The following TMTC2 variants were observed in gnomAD, a reference collection of about 807,000 sequenced individuals.
The protein encoded by TMTC2 is transmembrane O-mannosyltransferase targeting cadherins 2.
Under a neutral mutation model 82.4 loss-of-function variants are expected in TMTC2, and 43 were observed. That is an observed-to-expected ratio of 0.52 (90% CI 0.41 to 0.67). The LOEUF (loss-of-function observed/expected upper bound fraction) is 0.67. Among genes scored for constraint, TMTC2 ranks in the 30% least tolerant of loss-of-function variants. The pLI is 0.00. For missense variants in TMTC2, 919 were observed against 1,012.4 expected (o/e 0.91, Z 1.25); for synonymous variants, 408 against 381.9 (o/e 1.07, Z -0.80).
chr12:82,836,726 C>T (rs1228813181), intron 1 of TMTC2, among the ~76,000 whole-genome samples: 1 of 152,070 alleles, frequency 6.6e-6, no homozygotes, highest in Admixed American at 6.6e-5. Context: ...GAAACTAACA[C>T]AGATCAATAT....
At chr12:82,858,408 A>G (rs1255331495) in intron 2 of TMTC2, among the ~76,000 whole-genome samples, 1 of 152,202 alleles carries the variant, frequency 6.6e-6, no homozygotes, top group Non-Finnish European at 1.5e-5. Context: ...CTTTGGCGTG[A>G]AGACGGAACT....
chr12:82,885,195 A>G (rs1873028659), intron 2 of TMTC2, among the ~76,000 whole-genome samples: 1 of 149,856 alleles, frequency 6.7e-6, no homozygotes, highest in Non-Finnish European at 1.5e-5. Context: ...GAGCTACCAC[A>G]CCCAGCCAGA....
intron 8 of TMTC2, among the ~76,000 whole-genome samples, chr12:82,991,870 GTTTC>G (rs1411155384): frequency 6.6e-6 from 1 of 152,088 alleles, no homozygotes; most frequent in Admixed American, 6.6e-5. Flanking sequence ...TGCTTACTTC[GTTTC>G]TTTTTGTCCT....
At chr12:83,044,240 C>T (rs1051365233) in intron 9 of TMTC2, among the ~76,000 whole-genome samples, 3 of 152,316 alleles carry the variant, frequency 2.0e-5, no homozygotes, top group East Asian at 3.9e-4. Flanking sequence ...TCAGTCCTTT[C>T]ATTGAACATA....
chr12:82,916,541 G>A (rs1362408673), intron 3 of TMTC2, among the ~76,000 whole-genome samples: 1 of 152,148 alleles, frequency 6.6e-6, no homozygotes, highest in African/African-American at 2.4e-5. Context: ...CTGAGCCATG[G>A]ATGTGAGGAT....
At chr12:82,928,234 A>G (rs1875833442) in intron 3 of TMTC2, among the ~76,000 whole-genome samples, 1 of 152,150 alleles carries the variant, frequency 6.6e-6, no homozygotes, top group South Asian at 2.1e-4. Flanking sequence ...TGGTGCTTAA[A>G]TTAACATTTG....
At chr12:82,903,519 C>G (rs1319963790) in intron 3 of TMTC2, among the ~76,000 whole-genome samples, 3 of 152,218 alleles carry the variant, frequency 2.0e-5, no homozygotes, top group African/African-American at 2.4e-5. Context: ...TCACGCCATT[C>G]TCCTGCCTCA....
At chr12:83,032,257 T>TTATATATATATATATATATA (rs57604518) in intron 9 of TMTC2, among the ~76,000 whole-genome samples, 5 of 130,834 alleles carry the variant, frequency 3.8e-5, no homozygotes, top group Non-Finnish European at 8.0e-5. Context: ...AGAGAATATT[T>TTATATATATATATATATATA]TATATATATA....
At chr12:82,703,107 G>C (rs954373384) in intron 1 of TMTC2, among the ~76,000 whole-genome samples, 3 of 152,114 alleles carry the variant, frequency 2.0e-5, no homozygotes, top group Non-Finnish European at 4.4e-5. Flanking sequence ...TGAGTGGGAG[G>C]ATCACTTGAT....
rs1565780642 is a variant in TMTC2 at position 82,857,461 on chromosome 12, GC to G, written c.536del (p.Ala179GlufsTer12). On this transcript the variant is annotated frameshift_variant, in exon 2 of 12. Transcript: ENST00000321196. LOFTEE classifies it high-confidence loss of function. ...WGWFLGSGLC[A>X]GCSMLWKEQG... is the part of the protein sequence containing the mutation. ...CTGGTTCCTGGGGTCAGGACTGTGC[GC>G]AGGATGCAGCATGTTGTGGAAGGAA... The G allele has an allele frequency of 6.2e-7, 1 of 1,614,214 alleles. No homozygotes were observed. Among genetic ancestry groups the G allele is most frequent in the East Asian group, 2.2e-5 (1 of 44,878 alleles).
intron 1 of TMTC2, among the ~76,000 whole-genome samples, chr12:82,820,516 A>C (rs963440507): frequency 2.6e-5 from 4 of 151,914 alleles, no homozygotes; most frequent in African/African-American, 9.7e-5. Flanking sequence ...CTGGGACTAC[A>C]GGTGTGTGCC....
intron 1 of TMTC2, among the ~76,000 whole-genome samples, chr12:82,767,454 G>A (rs1877035829): frequency 6.6e-6 from 1 of 152,110 alleles, no homozygotes; most frequent in African/African-American, 2.4e-5. Context: ...GGGCGTTGTG[G>A]CACACACCTG....
At chr12:82,942,258 T>C (rs1029951694) in intron 4 of TMTC2, among the ~76,000 whole-genome samples, 2 of 152,316 alleles carry the variant, frequency 1.3e-5, no homozygotes, top group African/African-American at 4.8e-5. Flanking sequence ...ATAGCTCCAT[T>C]TGTTAATCAG....
At chr12:83,121,019 C>T (rs1884930479) in intron 11 of TMTC2, among the ~76,000 whole-genome samples, 1 of 152,180 alleles carries the variant, frequency 6.6e-6, no homozygotes, top group South Asian at 2.1e-4. Flanking sequence ...TTGTTCTTTA[C>T]TTATGCTATT....
intron 8 of TMTC2, among the ~76,000 whole-genome samples, chr12:83,002,185 T>G (rs890099327): frequency 4.6e-5 from 7 of 152,198 alleles, no homozygotes; most frequent in African/African-American, 1.7e-4. Flanking sequence ...AGTTTCAATT[T>G]CTTCATGGTT....
chr12:83,026,087 G>A (rs1881160988), intron 8 of TMTC2, among the ~76,000 whole-genome samples: 2 of 152,150 alleles, frequency 1.3e-5, no homozygotes, highest in South Asian at 4.1e-4. Flanking sequence ...ATTGTGGGAA[G>A]GGGTGGAGCT....
At chr12:82,914,817 ATTTTTTTTTTTT>A (rs71068958) in intron 3 of TMTC2, among the ~76,000 whole-genome samples, 2 of 86,434 alleles carry the variant, frequency 2.3e-5, no homozygotes, top group East Asian at 3.4e-4. Flanking sequence ...CAACTCACTT[ATTTTTTTTTTTT>A]TTTTTTTTTT....
At chr12:82,764,872 A>C (rs1300936477) in intron 1 of TMTC2, among the ~76,000 whole-genome samples, 1 of 151,412 alleles carries the variant, frequency 6.6e-6, no homozygotes, top group Non-Finnish European at 1.5e-5. Flanking sequence ...TGACATAGAC[A>C]AATAGGGCAG....
intron 7 of TMTC2, among the ~76,000 whole-genome samples, chr12:82,970,543 C>G (rs1195767091): frequency 6.6e-6 from 1 of 151,248 alleles, no homozygotes; most frequent in Admixed American, 6.6e-5. Context: ...CCTTGTTAGC[C>G]AGGATGGTCT....
Sources: gnomAD v4.1 joint callset for allele counts (sites outside exome capture counted in the v4.1 genomes callset) on GRCh38, gnomAD v4.1.1 for gene constraint, MANE v1.5 for transcripts, NCBI Gene and HGNC (gene_info 2026-07-23, HGNC 2026-07-21) for gene names.